The following ROBO1 variants were observed in gnomAD, a reference collection of about 807,000 sequenced individuals.
ROBO1 encodes the protein roundabout homolog 1.
A neutral mutation model predicts 195.9 loss-of-function variants in ROBO1; 149 were observed. The observed-to-expected ratio is 0.76, with a 90% CI of 0.67 to 0.87. The LOEUF is 0.87. ROBO1 is among the 40% of genes least tolerant of loss of function. The probability of loss-of-function intolerance (pLI) is 0.00; values close to 1 mark genes in which losing one functional copy is unlikely to be tolerated. For missense variants in ROBO1, 1,933 were observed against 2,068.3 expected (o/e 0.93, Z 1.27); for synonymous variants, 816 against 733.2 (o/e 1.11, Z -1.82).
chr3:79,473,145 G>C (rs1030747488), intron 2 of ROBO1, among the ~76,000 whole-genome samples: 7 of 152,148 alleles, frequency 4.6e-5, no homozygotes, highest in African/African-American at 1.4e-4. Context: ...CAGGTGTCTT[G>C]TGTTTAAGCT....
intron 2 of ROBO1, among the ~76,000 whole-genome samples, chr3:79,465,067 G>A (rs753543883): frequency 2.0e-5 from 3 of 152,092 alleles, no homozygotes; most frequent in Non-Finnish European, 2.9e-5. Flanking sequence ...AACTTGAATC[G>A]TATTCTTAAT....
chr3:79,249,379 ACT>A (rs2082680016), intron 2 of ROBO1, among the ~76,000 whole-genome samples: 2 of 151,874 alleles, frequency 1.3e-5, no homozygotes, highest in Admixed American at 6.6e-5. Flanking sequence ...TGGTTTCAAA[ACT>A]CTCTCAATTT....
chr3:79,189,717 A>G (rs2081504134), intron 2 of ROBO1, among the ~76,000 whole-genome samples: 1 of 151,806 alleles, frequency 6.6e-6, no homozygotes, highest in Admixed American at 6.6e-5. Flanking sequence ...CAGGAGAATG[A>G]TAAGAAAAGT....
At chr3:79,703,005 G>C (rs1261310628) in intron 1 of ROBO1, among the ~76,000 whole-genome samples, 1 of 151,694 alleles carries the variant, frequency 6.6e-6, no homozygotes, top group African/African-American at 2.4e-5. Context: ...CTATTCCCTT[G>C]GATATAAGTT....
intron 4 of ROBO1, among the ~76,000 whole-genome samples, chr3:78,776,620 A>G (rs1255603445): frequency 1.3e-5 from 2 of 152,214 alleles, no homozygotes; most frequent in Admixed American, 6.5e-5. Context: ...ATAAATAACA[A>G]ATAAATCTTT....
Position 78,938,927 on chromosome 3 carries a change from C to A in ROBO1, c.173G>T (p.Gly58Val). The change falls in exon 4 of 31, where the codon GGC becomes GTC. Residue 58 changes from glycine (G) to valine (V), a missense_variant and splice_region_variant. By Grantham distance (109) the Gly-to-Val change is moderately radical. Coordinates refer to ENST00000464233, the MANE Select transcript of ROBO1 (RefSeq NM_002941.4). Reference protein sequence around the residue: ...DNDDNSLGYTGSRLRQEDFPP... With the variant: ...DNDDNSLGYTVSRLRQEDFPP... ...AAAATCTTCCTGACGAAGACGGGAG[C>A]CTGCAGAAGAATTCACAAAATATCT... 1 of 1,596,480 alleles carries A rather than the reference C, an allele frequency of 6.3e-7. No individual in the cohort carries two copies. Among genetic ancestry groups the A allele is most frequent in the Non-Finnish European group, 8.5e-7 (1 of 1,171,958 alleles).
At chr3:79,452,123 T>C (rs1057482780) in intron 2 of ROBO1, among the ~76,000 whole-genome samples, 1 of 152,112 alleles carries the variant, frequency 6.6e-6, no homozygotes, top group African/African-American at 2.4e-5. Context: ...GACATAGATG[T>C]CTCCAAATCC....
chr3:79,233,981 A>T (rs1254563766), intron 2 of ROBO1, among the ~76,000 whole-genome samples: 1 of 151,842 alleles, frequency 6.6e-6, no homozygotes, highest in Non-Finnish European at 1.5e-5. Context: ...GTCCACTTGT[A>T]CGTCTTCTTT....
intron 1 of ROBO1, among the ~76,000 whole-genome samples, chr3:79,662,470 T>C (rs1409212808): frequency 6.6e-6 from 1 of 152,052 alleles, no homozygotes; most frequent in African/African-American, 2.4e-5. Context: ...TTTGAGCAAA[T>C]CTCAAAAGGA....
intron 4 of ROBO1, chr3:78,938,118 C>A (rs2039918781): frequency 6.2e-6 from 1 of 160,564 alleles, no homozygotes; most frequent in Admixed American, 5.9e-5. Flanking sequence ...ATCCTGTTCA[C>A]TCCTCCTTAG....
At chr3:78,941,501 C>G (rs1329445809) in intron 3 of ROBO1, among the ~76,000 whole-genome samples, 2 of 152,082 alleles carry the variant, frequency 1.3e-5, no homozygotes, top group Non-Finnish European at 2.9e-5. Flanking sequence ...TTAATTAAAG[C>G]AACTTTTATT....
At chr3:79,264,005 T>C (rs961017436) in intron 2 of ROBO1, among the ~76,000 whole-genome samples, 30 of 152,212 alleles carry the variant, frequency 2.0e-4, no homozygotes, top group African/African-American at 6.7e-4. Flanking sequence ...CCCATTCTTA[T>C]ACCAGCTTTT....
At chr3:79,731,530 A>G (rs1703147934) in intron 1 of ROBO1, among the ~76,000 whole-genome samples, 1 of 152,094 alleles carries the variant, frequency 6.6e-6, no homozygotes, top group Non-Finnish European at 1.5e-5. Context: ...AAATTACCCA[A>G]TGCTGTCTAT....
intron 2 of ROBO1, among the ~76,000 whole-genome samples, chr3:79,294,269 G>C (rs2032449061): frequency 6.6e-6 from 1 of 152,020 alleles, no homozygotes; most frequent in Admixed American, 6.5e-5. Flanking sequence ...CAATGGAACA[G>C]AACAGACGCC....
At chr3:78,603,413 T>A (rs1183314665) in intron 29 of ROBO1, among the ~76,000 whole-genome samples, 1 of 152,128 alleles carries the variant, frequency 6.6e-6, no homozygotes, top group Non-Finnish European at 1.5e-5. Flanking sequence ...ACTATGAAGG[T>A]TATACTGAAC....
chr3:79,547,046 G>A (rs575208007), intron 2 of ROBO1, among the ~76,000 whole-genome samples: 1 of 151,720 alleles, frequency 6.6e-6, no homozygotes, highest in South Asian at 2.1e-4. Flanking sequence ...TTAGCCGGGC[G>A]TGGTGGCGGG....
intron 8 of ROBO1, among the ~76,000 whole-genome samples, chr3:78,701,336 CATTTT>C (rs2081416379): frequency 6.6e-6 from 1 of 152,134 alleles, no homozygotes; most frequent in Non-Finnish European, 1.5e-5. Context: ...ACTTGTTCTG[CATTTT>C]ATTTTCTTAT....
intron 2 of ROBO1, among the ~76,000 whole-genome samples, chr3:79,203,977 A>T (rs1476603754): frequency 1.3e-5 from 2 of 152,114 alleles, no homozygotes; most frequent in Non-Finnish European, 2.9e-5. Flanking sequence ...TTCTTATTTT[A>T]AAATGCTGTG....
chr3:78,975,301 G>A (rs1469474561), intron 3 of ROBO1, among the ~76,000 whole-genome samples: 32 of 152,154 alleles, frequency 2.1e-4, no homozygotes, highest in Admixed American at 2.1e-3. Context: ...GCATGTGAAA[G>A]ATTATCTCCT....
Sources: gnomAD v4.1 joint callset for allele counts (sites outside exome capture counted in the v4.1 genomes callset) on GRCh38, gnomAD v4.1.1 for gene constraint, MANE v1.5 for transcripts, NCBI Gene and HGNC (gene_info 2026-07-23, HGNC 2026-07-21) for gene names.